HK1: variants seen among roughly 807,000 people sequenced by gnomAD.
The protein encoded by HK1 is hexokinase 1.
HK1 carries 28 observed loss-of-function variants against 91.6 expected under a neutral mutation model. That is an observed-to-expected ratio of 0.31 (90% CI 0.23 to 0.42). The LOEUF is 0.42. HK1 is among the 10% of genes least tolerant of loss of function. HK1 has a pLI of 1.00. For missense variants in HK1, 770 were observed against 1,219.8 expected (o/e 0.63, Z 5.49); for synonymous variants, 430 against 468.1 (o/e 0.92, Z 1.05).
In HK1 at chr10:69,292,390, G is replaced by T. The variant is rs750185843; in HGVS notation, c.-114-3243G>T. The T allele has an allele frequency of 1.0e-4, 46 of 444,676 alleles. 1 individual carries two copies. Among genetic ancestry groups the T allele is most frequent in the South Asian group, 7.0e-4 (44 of 62,828 alleles). 27.5% of individuals were successfully genotyped at this position (444,676 alleles called of 1,614,324 possible). A position where few individuals can be genotyped will look rare whatever the true frequency, so the allele number is the denominator to read the frequency against. On this transcript the variant is annotated intron_variant, in intron 3 of 21. Coordinates refer to the HK1 transcript ENST00000360289. The stretch of plus-strand genomic sequence containing the variant: ...ACCCAGCTTAGGACCTTGATTATGT[G>T]AGGTAGGACAAGAAGTGCTGGAAAG...
rs1466187446 is a variant in HK1, at chr10:69,369,938, A to G, written c.875+314A>G. ...TTTTTAGTAGAGACAGAGTTTCACC[A>G]TGTTGGCCAGGCTGGTCTCAAACTC... is the stretch of plus-strand genomic sequence containing the variant. On this transcript the variant is annotated intron_variant, in intron 7 of 17. Coordinates refer to ENST00000359426, the MANE Select transcript of HK1 (RefSeq NM_000188.3). This position sits in a 1 kb window ranked among gnomAD's most constrained non-coding sequence, Gnocchi z 4.4. 2.0e-5 allele frequency among the ~76,000 whole-genome samples: 3 copies of G among 152,052 alleles called. No individual in the cohort carries two copies. The highest frequency in any genetic ancestry group is 7.2e-5 in the African/African-American group (3 of 41,396).
intron 1 of HK1, among the ~76,000 whole-genome samples, chr10:69,277,993 A>AGTGAGCCGAGATTGTGCCG (rs1844553187): frequency 6.6e-6 from 1 of 151,740 alleles, no homozygotes; most frequent in Non-Finnish European, 1.5e-5. Context: ...AGATTGTGCC[A>AGTGAGCCGAGATTGTGCCG]TTGCACTCCA....
chr10:69,370,983 G>A (rs562454974), intron 7 of HK1, among the ~76,000 whole-genome samples: 29 of 152,250 alleles, frequency 1.9e-4, no homozygotes, highest in African/African-American at 7.0e-4. Context: ...AACCTACAGA[G>A]AGATGTTCAC....
chr10:69,386,778 CTAAATAAA>C (rs544467542), intron 13 of HK1: 15 of 161,166 alleles, frequency 9.3e-5, no homozygotes, highest in South Asian at 1.6e-4. Context: ...GACTCCATCT[CTAAATAAA>C]TAAATAAATA....
intron 4 of HK1, among the ~76,000 whole-genome samples, chr10:69,367,204 A>G (rs1338246277): frequency 6.6e-6 from 1 of 151,956 alleles, no homozygotes; most frequent in Non-Finnish European, 1.5e-5. Flanking sequence ...GCCAGCCTTC[A>G]CCCCCTCTGG....
intron 5 of HK1, among the ~76,000 whole-genome samples, chr10:69,305,875 A>G (rs2132516197): frequency 3.1e-5 from 1 of 32,324 alleles, no homozygotes. Context: ...AAACAAAACA[A>G]AAAAAACAAC....
At position 69,276,118 on chromosome 10, in the gene HK1, A is replaced by AAAAAAAT; in HGVS notation, c.-391+6011_-391+6012insAAAAATA. Among the ~76,000 whole-genome samples, 80 of 38,270 alleles carry AAAAAAAT rather than the reference A, an allele frequency of 2.1e-3. 4 individuals are homozygous for AAAAAAAT. The highest frequency in any genetic ancestry group is 0.029 in the Middle Eastern group (1 of 34). 25.1% of individuals were successfully genotyped at this position (38,270 alleles called of 152,430 possible). A position where few individuals can be genotyped will look rare whatever the true frequency, so the allele number is the denominator to read the frequency against. ...AAAAAAAAAAAAAAAAAAAAAAAAA[A>AAAAAAAT]ATACATATATATATATATATACACA... On this transcript the variant is annotated intron_variant, in intron 1 of 21. Transcript: ENST00000360289.
intron 3 of HK1, among the ~76,000 whole-genome samples, chr10:69,292,753 T>G (rs1845356151): frequency 6.6e-6 from 1 of 152,130 alleles, no homozygotes; most frequent in South Asian, 2.1e-4. Flanking sequence ...CAACCTCCAG[T>G]GCTGCAGAGA....
At chr10:69,270,436 A>T (rs1315976633) in intron 1 of HK1, among the ~76,000 whole-genome samples, 1 of 152,096 alleles carries the variant, frequency 6.6e-6, no homozygotes, top group Non-Finnish European at 1.5e-5. Flanking sequence ...CAAAAAAATT[A>T]GCTGGGCATG....
rs1435718741 is a variant in HK1, at chr10:69,398,581, C to T, written c.2376-14C>T. 2 of 1,608,988 alleles carry T rather than the reference C, an allele frequency of 1.2e-6. No individual in the cohort carries two copies. The highest frequency in any genetic ancestry group is 1.7e-6 in the Non-Finnish European group (2 of 1,176,990). On this transcript the variant is annotated splice_polypyrimidine_tract_variant and intron_variant, in intron 16 of 17. Coordinates refer to ENST00000359426, the MANE Select transcript of HK1 (RefSeq NM_000188.3). ...TCCTGCTTCATCCAGCCCTCTGGCT[C>T]TTGTCCCCCACAGTGACCGATTAGC...
intron 3 of HK1, 63 bp downstream of exon 3, chr10:69,360,108 A>G (rs1849342752): frequency 1.1e-5 from 17 of 1,523,436 alleles, no homozygotes; most frequent in Non-Finnish European, 1.5e-5. Flanking sequence ...ACCTCCAGGA[A>G]CCAGGCCTCA....
upstream of HK1, chr10:69,318,119 G>C (rs1050275144): frequency 4.1e-6 from 4 of 985,352 alleles, no homozygotes; most frequent in Admixed American, 6.1e-5. Flanking sequence ...ACCGGAGCTG[G>C]TGACTCGGGG....
Position 69,398,797 on chromosome 10 carries a change from G to A in HK1, c.2578G>A (p.Val860Met), listed in dbSNP as rs1171024459. 2 of 1,613,844 alleles carry A rather than the reference G, an allele frequency of 1.2e-6. No individual in the cohort carries two copies. Among genetic ancestry groups the A allele is most frequent in the Non-Finnish European group, 1.7e-6 (2 of 1,179,684 alleles). ...GLDRLNVTVG[V>M]DGTLYKLHPH... ...GGACCGTCTGAATGTGACTGTGGGAGTGGACGGGACACTCTACAAGCTTCA... is the reference window on the plus strand; with the variant it reads ...GGACCGTCTGAATGTGACTGTGGGAATGGACGGGACACTCTACAAGCTTCA... Residue 860 changes from valine to methionine, a missense_variant, in exon 17 of 18, where the codon GTG (valine) becomes ATG (methionine). Coordinates refer to ENST00000359426, the MANE Select transcript of HK1 (RefSeq NM_000188.3).
intron 3 of HK1, among the ~76,000 whole-genome samples, chr10:69,292,747 C>T (rs1046726389): frequency 6.6e-6 from 1 of 152,190 alleles, no homozygotes; most frequent in African/African-American, 2.4e-5. Flanking sequence ...TTCCCCCAAC[C>T]TCCAGTGCTG....
chr10:69,315,739 C>A, upstream of HK1: 1 of 622,900 alleles, frequency 1.6e-6, no homozygotes, highest in East Asian at 2.9e-5. Flanking sequence ...AAGACAGTCA[C>A]CCATATCAGT....
At chr10:69,300,849 C>T in exon 5 of HK1, 2 of 1,589,878 alleles carry the variant, frequency 1.3e-6, no homozygotes, top group South Asian at 2.2e-5. Flanking sequence ...CAAAAAGAGC[C>T]CTGCATGATT....
At chr10:69,339,906 A>G (rs1848207010) in intron 1 of HK1, among the ~76,000 whole-genome samples, 1 of 152,184 alleles carries the variant, frequency 6.6e-6, no homozygotes, top group African/African-American at 2.4e-5. Context: ...AGCTTCTTGG[A>G]CCATCAGTTT....
At chr10:69,356,615 T>G (rs1475700002) in intron 2 of HK1, among the ~76,000 whole-genome samples, 2 of 152,148 alleles carry the variant, frequency 1.3e-5, no homozygotes, top group African/African-American at 4.8e-5. Flanking sequence ...CCGGGTGCGG[T>G]GGCTCACGCC....
rs1426495526 is a variant in HK1 at position 69,377,085 on chromosome 10, G to A, written c.1027G>A (p.Glu343Lys). Residue 343 changes from glutamate (E) to lysine (K), a missense_variant, in exon 8 of 18, where the codon GAA (glutamate) becomes AAA (lysine). Glu to Lys is a moderately conservative substitution (Grantham distance 56). Coordinates refer to ENST00000359426, the MANE Select transcript of HK1 (RefSeq NM_000188.3). ...KFNTSDVSAI[E>K]KNKEGLHNAK... ...TAACACCAGTGATGTGTCAGCCATC[G>A]AAAAGTAGGTACCATCCCCTCAAGG... The A allele has an allele frequency of 2.5e-6, 4 of 1,614,002 alleles. No individual in the cohort carries two copies. The highest frequency in any genetic ancestry group is 2.2e-5 in the East Asian group (1 of 44,886).
Sources: gnomAD v4.1 joint callset for allele counts (sites outside exome capture counted in the v4.1 genomes callset) on GRCh38, gnomAD v4.1.1 for gene constraint, Gnocchi (gnomAD v3.1) non-coding constraint, MANE v1.5 for transcripts, NCBI Gene and HGNC (gene_info 2026-07-23, HGNC 2026-07-21) for gene names.